Variants in SLC10A7 observed in about 807,000 individuals in gnomAD.
SLC10A7 encodes sodium/bile acid cotransporter 7.
SLC10A7 carries 29 observed loss-of-function variants against 43.2 expected under a neutral mutation model. The ratio of observed to expected loss-of-function variants is 0.67; its 90% CI spans 0.50 to 0.92. The LOEUF (loss-of-function observed/expected upper bound fraction) is 0.92, where lower values mean the gene tolerates loss of function less well. SLC10A7 is among the 40% of genes least tolerant of loss of function. SLC10A7 has a pLI of 0.00. For missense variants in SLC10A7, 295 were observed against 403.2 expected (o/e 0.73, Z 2.30); for synonymous variants, 152 against 144.8 (o/e 1.05, Z -0.35).
At chr4:146,345,892 G>T (rs78199829) in intron 5 of SLC10A7, among the ~76,000 whole-genome samples, 1,661 of 152,160 alleles carry the variant, frequency 0.011, 25 homozygotes, top group African/African-American at 0.037. Context: ...CACTTTGCAA[G>T]TGTGACATAA....
chr4:146,411,803 C>T (rs1432243892), intron 5 of SLC10A7, among the ~76,000 whole-genome samples: 1 of 151,884 alleles, frequency 6.6e-6, no homozygotes, highest in East Asian at 1.9e-4. Context: ...TCTTGGTGTA[C>T]TTTTTAAAAT....
chr4:146,298,610 TTC>T (rs1200898953), intron 7 of SLC10A7, among the ~76,000 whole-genome samples: 32 of 152,294 alleles, frequency 2.1e-4, no homozygotes, highest in African/African-American at 7.5e-4. Context: ...GTGGTAGAAT[TTC>T]TGTTTCATTG....
rs1730709327 is a variant in SLC10A7, at chr4:146,442,820, G to A, written c.398C>T (p.Ala133Val). ...AAAGGCTGAATTAAATATTGCAGCTGCCTATGAAGAAAATAAATAGGGGAA... is the reference window on the plus strand; with the variant it reads ...AAAGGCTGAATTAAATATTGCAGCTACCTATGAAGAAAATAAATAGGGGAA... ...ILTKAVGGNE[A>V]AAIFNSAFGS... The change falls in exon 5 of 12, where the codon GCA (alanine) becomes GTA (valine). Residue 133 changes from alanine (A) to valine (V), a missense_variant and splice_region_variant. Transcript: ENST00000335472. 6.3e-7 allele frequency: 1 copy of A among 1,579,944 alleles called. No individual in the cohort carries two copies. The highest frequency in any genetic ancestry group is 1.2e-5 in the South Asian group (1 of 85,036).
intron 6 of SLC10A7, among the ~76,000 whole-genome samples, chr4:146,316,965 T>C (rs559691330): frequency 2.0e-5 from 3 of 152,244 alleles, no homozygotes; most frequent in Non-Finnish European, 4.4e-5. Context: ...TTTCATCTTA[T>C]CATAATCTTC....
At chr4:146,460,866 G>A (rs1732468860) in intron 4 of SLC10A7, among the ~76,000 whole-genome samples, 1 of 151,858 alleles carries the variant, frequency 6.6e-6, no homozygotes, top group Non-Finnish European at 1.5e-5. Context: ...TCAACAAAAA[G>A]TAGAAAAACA....
At chr4:146,274,204 T>TC (rs1437318110) in intron 10 of SLC10A7, among the ~76,000 whole-genome samples, 2 of 146,372 alleles carry the variant, frequency 1.4e-5, no homozygotes, top group Non-Finnish European at 3.0e-5. Flanking sequence ...ATTATACTTT[T>TC]TTTTTTTTTT....
intron 3 of SLC10A7, among the ~76,000 whole-genome samples, chr4:146,507,068 C>T (rs968053326): frequency 5.3e-5 from 8 of 152,184 alleles, no homozygotes; most frequent in African/African-American, 1.9e-4. Flanking sequence ...TACATCTACT[C>T]TCTTGGCAAT....
intron 5 of SLC10A7, among the ~76,000 whole-genome samples, chr4:146,407,434 A>G (rs955092483): frequency 8.5e-5 from 13 of 152,224 alleles, no homozygotes; most frequent in African/African-American, 3.1e-4. Context: ...TCTGAAGTAC[A>G]CAATACTGTA....
At chr4:146,413,071 TA>T (rs1307215722) in intron 5 of SLC10A7, among the ~76,000 whole-genome samples, 1 of 152,176 alleles carries the variant, frequency 6.6e-6, no homozygotes, top group Admixed American at 6.5e-5. Flanking sequence ...TCTATTCCTT[TA>T]AAAACTTCAT....
intron 4 of SLC10A7, among the ~76,000 whole-genome samples, chr4:146,459,738 T>C (rs1297475374): frequency 6.6e-6 from 1 of 151,776 alleles, no homozygotes; most frequent in Non-Finnish European, 1.5e-5. Flanking sequence ...TTAAAGAACA[T>C]CTTTGTGACT....
At chr4:146,386,210 A>G (rs1257835407) in intron 5 of SLC10A7, among the ~76,000 whole-genome samples, 1 of 152,144 alleles carries the variant, frequency 6.6e-6, no homozygotes, top group African/African-American at 2.4e-5. Flanking sequence ...AGTGTTTAAG[A>G]ATTCCTTTTT....
chr4:146,278,166 A>G (rs1729327035), intron 10 of SLC10A7, among the ~76,000 whole-genome samples: 1 of 152,138 alleles, frequency 6.6e-6, no homozygotes. Flanking sequence ...GGATAAGTTT[A>G]AAGATTTTTT....
chr4:146,310,687 C>A (rs927696064), intron 6 of SLC10A7, among the ~76,000 whole-genome samples: 3 of 152,030 alleles, frequency 2.0e-5, no homozygotes, highest in African/African-American at 7.3e-5. Context: ...CTCACAGCAA[C>A]CCCTTGATGT....
At chr4:146,515,295 A>C (rs973909954) in intron 2 of SLC10A7, 9 of 620,142 alleles carry the variant, frequency 1.5e-5, no homozygotes, top group Admixed American at 5.4e-5. Flanking sequence ...AAAGAGCATT[A>C]GCCAAGGTCA....
rs1207943974 is a variant in SLC10A7, at chr4:146,254,520, C to T, written c.*1971G>A. ...ATATCACTAACGCCACCAAAGTTCACTATGTAAAGATTATTTGAAAACAAA... is the reference window on the plus strand; with the variant it reads ...ATATCACTAACGCCACCAAAGTTCATTATGTAAAGATTATTTGAAAACAAA... On this transcript the variant is annotated 3_prime_UTR_variant, in exon 12 of 12. Coordinates refer to ENST00000335472, the MANE Select transcript of SLC10A7 (RefSeq NM_001029998.6). The T allele has an allele frequency of 6.6e-6, 1 of 152,086 alleles. No individual in the cohort carries two copies. Among genetic ancestry groups the T allele is most frequent in the Non-Finnish European group, 1.5e-5 (1 of 68,018 alleles). The allele number at this position is 152,086 out of a possible 1,614,324, so 9.4% of individuals were successfully genotyped here.
chr4:146,462,294 G>A (rs1732615492), intron 4 of SLC10A7, among the ~76,000 whole-genome samples: 1 of 151,912 alleles, frequency 6.6e-6, no homozygotes, highest in African/African-American at 2.4e-5. Context: ...TTTAAAACAA[G>A]CTTCAGAGTG....
At chr4:146,317,150 A>C (rs900742629) in intron 6 of SLC10A7, among the ~76,000 whole-genome samples, 2 of 152,110 alleles carry the variant, frequency 1.3e-5, no homozygotes, top group South Asian at 2.1e-4. Flanking sequence ...TGGCTTCATA[A>C]TAAAGAATAT....
At chr4:146,314,061 G>C (rs956694814) in intron 6 of SLC10A7, among the ~76,000 whole-genome samples, 13 of 152,098 alleles carry the variant, frequency 8.5e-5, no homozygotes, top group Admixed American at 8.5e-4. Flanking sequence ...GGCATTCAAG[G>C]GGAGGCAGAC....
At chr4:146,444,317 C>T (rs1205611078) in intron 4 of SLC10A7, among the ~76,000 whole-genome samples, 1 of 152,126 alleles carries the variant, frequency 6.6e-6, no homozygotes, top group South Asian at 2.1e-4. Context: ...GGAAGGAGGT[C>T]TTCCCCTTTG....
Sources: allele counts gnomAD v4.1 joint callset (sites outside exome capture counted in the v4.1 genomes callset), GRCh38; gene constraint gnomAD v4.1.1; transcripts MANE v1.5; gene names NCBI Gene and HGNC (gene_info 2026-07-23, HGNC 2026-07-21).